ERC2: variants seen among roughly 807,000 people sequenced by gnomAD.
ERC2 encodes ELKS/RAB6-interacting/CAST family member 2, also known as ERC protein 2.
ERC2 carries 42 observed loss-of-function variants against 114.8 expected under a neutral mutation model. The observed-to-expected ratio is 0.37, with a 90% CI of 0.29 to 0.47. The LOEUF (loss-of-function observed/expected upper bound fraction) is 0.47, where lower values mean the gene tolerates loss of function less well. Ranked by LOEUF, ERC2 falls within the 20% of genes least tolerant of loss-of-function variation. The pLI, the probability that ERC2 is intolerant of heterozygous loss-of-function variation, is 0.99. For missense variants in ERC2, 939 were observed against 1,150.7 expected (o/e 0.82, Z 2.66); for synonymous variants, 454 against 425.5 (o/e 1.07, Z -0.82).
At chr3:56,253,197 CT>C (rs1285796331) in intron 3 of ERC2, among the ~76,000 whole-genome samples, 2 of 152,094 alleles carry the variant, frequency 1.3e-5, no homozygotes, top group African/African-American at 4.8e-5. Flanking sequence ...TCTCTCAAGA[CT>C]GAAAAATGTA....
At chr3:56,285,591 AT>A (rs1398640592) in intron 3 of ERC2, among the ~76,000 whole-genome samples, 2 of 152,152 alleles carry the variant, frequency 1.3e-5, no homozygotes, top group Non-Finnish European at 2.9e-5. Context: ...GAGAGATCTG[AT>A]TGCCCTGGGG....
At position 56,007,215 on chromosome 3, in the gene ERC2, T is replaced by G; in HGVS notation, c.2027A>C (p.Glu676Ala). 1 of 1,577,354 alleles carries G rather than the reference T, an allele frequency of 6.3e-7. No homozygotes were observed. Among genetic ancestry groups the G allele is most frequent in the East Asian group, 2.3e-5 (1 of 43,778 alleles). Residue 676 changes from glutamate to alanine, a missense_variant, in exon 10 of 18, where the codon GAG becomes GCG. Glu to Ala is a moderately radical substitution (Grantham distance 107, BLOSUM62 -1). Around this residue, in one of 5 missense-constraint regions of ERC2, gnomAD observed 328 missense variants for 353.9 expected, o/e 0.93. Coordinates refer to ENST00000288221, the MANE Select transcript of ERC2 (RefSeq NM_015576.3). ...CTGTGCTTCCAATTTGCTACATTCCTCTTTCTTTTGTTCAATGGCTATTTC... is the reference window on the plus strand; with the variant it reads ...CTGTGCTTCCAATTTGCTACATTCCGCTTTCTTTTGTTCAATGGCTATTTC... Reference protein sequence around the residue: ...SLEIAIEQKKEECSKLEAQLK... With the variant: ...SLEIAIEQKKAECSKLEAQLK...
At chr3:55,574,832 C>T (rs2056893572) in intron 17 of ERC2, among the ~76,000 whole-genome samples, 2 of 152,124 alleles carry the variant, frequency 1.3e-5, no homozygotes, top group African/African-American at 4.8e-5. Flanking sequence ...ATCACAAGTG[C>T]CCTCCAGACA....
intron 6 of ERC2, among the ~76,000 whole-genome samples, chr3:56,100,332 C>T (rs2078284733): frequency 1.3e-5 from 2 of 152,204 alleles, no homozygotes; most frequent in Middle Eastern, 6.8e-3. Context: ...ACACCTTTAT[C>T]AAAAAGCATA....
At chr3:56,245,512 G>T (rs1184364475) in intron 3 of ERC2, among the ~76,000 whole-genome samples, 1 of 28,040 alleles carries the variant, frequency 3.6e-5, no homozygotes, top group Non-Finnish European at 6.1e-5. Flanking sequence ...GTGGTATGTT[G>T]TGTGTGTGTG....
chr3:55,734,944 C>A, intron 14 of ERC2, 26 bp from the exon 15 acceptor site: 3 of 1,486,930 alleles, frequency 2.0e-6, no homozygotes, highest in South Asian at 1.4e-5. Context: ...TTATTGAGAT[C>A]ATTTTTGTAA....
intron 15 of ERC2, among the ~76,000 whole-genome samples, chr3:55,704,735 C>A (rs1344814440): frequency 6.6e-6 from 1 of 152,182 alleles, no homozygotes; most frequent in African/African-American, 2.4e-5. Context: ...GATGCAGAAG[C>A]TATTAAAGGA....
chr3:56,086,914 C>T (rs2077534717), intron 6 of ERC2, among the ~76,000 whole-genome samples: 1 of 152,004 alleles, frequency 6.6e-6, no homozygotes, highest in Non-Finnish European at 1.5e-5. Flanking sequence ...CACTCAACAC[C>T]AAATAATTTT....
chr3:56,453,638 T>G (rs560740749), intron 1 of ERC2, among the ~76,000 whole-genome samples: 1 of 152,254 alleles, frequency 6.6e-6, no homozygotes, highest in East Asian at 1.9e-4. Flanking sequence ...TCCAGATAGA[T>G]GCAAATCATT....
At chr3:55,638,162 T>C (rs1481996549) in intron 17 of ERC2, among the ~76,000 whole-genome samples, 1 of 152,244 alleles carries the variant, frequency 6.6e-6, no homozygotes, top group Non-Finnish European at 1.5e-5. Context: ...CCCCTGACCA[T>C]GTTCATTCCT....
intron 15 of ERC2, among the ~76,000 whole-genome samples, chr3:55,728,288 T>C (rs2065042421): frequency 1.3e-5 from 2 of 152,170 alleles, no homozygotes; most frequent in African/African-American, 4.8e-5. Flanking sequence ...ATAGCTATTA[T>C]TAAAATCATC....
intron 2 of ERC2, among the ~76,000 whole-genome samples, chr3:56,315,619 T>A (rs1223799180): frequency 6.6e-6 from 1 of 152,164 alleles, no homozygotes; most frequent in Non-Finnish European, 1.5e-5. Flanking sequence ...ATTTTTCAAA[T>A]CTTCAAACCA....
chr3:55,878,582 A>G (rs903851555), intron 14 of ERC2, among the ~76,000 whole-genome samples: 3 of 152,230 alleles, frequency 2.0e-5, no homozygotes, highest in Non-Finnish European at 4.4e-5. Context: ...ACTGTGAACT[A>G]TAGTGTCAAA....
intron 14 of ERC2, among the ~76,000 whole-genome samples, chr3:55,842,426 A>G (rs542385155): frequency 1.8e-4 from 28 of 152,176 alleles, no homozygotes; most frequent in Non-Finnish European, 3.7e-4. Context: ...AAGACAATGC[A>G]TTCCAGGCTC....
intron 7 of ERC2, among the ~76,000 whole-genome samples, chr3:56,063,218 G>T (rs192532891): frequency 2.0e-4 from 31 of 152,294 alleles, no homozygotes; most frequent in Admixed American, 1.1e-3. Flanking sequence ...ATTGGAGGCT[G>T]GGGAGAGAGA....
chr3:55,869,611 T>G (rs2062481738), intron 14 of ERC2, among the ~76,000 whole-genome samples: 1 of 152,166 alleles, frequency 6.6e-6, no homozygotes, highest in Non-Finnish European at 1.5e-5. Flanking sequence ...CTCAACCACA[T>G]GACTCCTTCC....
chr3:56,091,862 A>G (rs1228598538), intron 6 of ERC2, among the ~76,000 whole-genome samples: 1 of 152,192 alleles, frequency 6.6e-6, no homozygotes, highest in Non-Finnish European at 1.5e-5. Context: ...GTTGATGTCT[A>G]CAGTCAGTAG....
chr3:56,125,831 G>A (rs1238428753), intron 6 of ERC2, among the ~76,000 whole-genome samples: 1 of 152,192 alleles, frequency 6.6e-6, no homozygotes, highest in Non-Finnish European at 1.5e-5. Context: ...GTATAAATGA[G>A]GACATGAAGT....
chr3:55,552,988 CGTT>C (rs900054729), intron 17 of ERC2, among the ~76,000 whole-genome samples: 1 of 131,252 alleles, frequency 7.6e-6, no homozygotes, highest in African/African-American at 2.9e-5. Flanking sequence ...ATTTCTGTGT[CGTT>C]ATTATTGTGG....
Sources: gnomAD v4.1 joint callset for allele counts (sites outside exome capture counted in the v4.1 genomes callset) on GRCh38, gnomAD v4.1.1 for gene constraint, gnomAD v4.1.1 regional missense constraint, MANE v1.5 for transcripts, NCBI Gene and HGNC (gene_info 2026-07-23, HGNC 2026-07-21) for gene names.